Variants in DRC8 observed in about 807,000 individuals in gnomAD.
The protein encoded by DRC8 is dynein regulatory complex protein 8.
the DRC8 span, among the ~76,000 whole-genome samples, chr1:245,021,259 C>T: frequency 1.3e-4 from 19 of 151,884 alleles, no homozygotes; most frequent in East Asian, 9.6e-4. Context: ...CAAACATAGA[C>T]GCTTTGAGCG....
At chr1:245,109,526 C>T in the DRC8 span, among the ~76,000 whole-genome samples, 3 of 152,324 alleles carry the variant, frequency 2.0e-5, no homozygotes, top group South Asian at 2.1e-4. Context: ...GGGTGTGCAT[C>T]GCTCTTTCCT....
the DRC8 span, among the ~76,000 whole-genome samples, chr1:244,996,933 C>T: frequency 2.0e-5 from 3 of 152,250 alleles, no homozygotes; most frequent in East Asian, 5.8e-4. Flanking sequence ...GCTGAAGTCC[C>T]TTACATAAAA....
At chr1:244,975,515 G>T in the DRC8 span, among the ~76,000 whole-genome samples, 1 of 152,146 alleles carries the variant, frequency 6.6e-6, no homozygotes, top group Non-Finnish European at 1.5e-5. Context: ...GTTGTAATGG[G>T]GACAATGTTT....
chr1:245,045,562 T>C, the DRC8 span, among the ~76,000 whole-genome samples: 2 of 152,164 alleles, frequency 1.3e-5, no homozygotes, highest in Non-Finnish European at 1.5e-5. Flanking sequence ...GTCCATCTCA[T>C]GTAAATGAAG....
the DRC8 span, among the ~76,000 whole-genome samples, chr1:245,084,885 C>T: frequency 6.6e-6 from 1 of 152,222 alleles, no homozygotes; most frequent in African/African-American, 2.4e-5. Context: ...TCACAGCTGC[C>T]ACCCAAGAAC....
chr1:245,009,726 C>G, the DRC8 span, among the ~76,000 whole-genome samples: 1 of 152,224 alleles, frequency 6.6e-6, no homozygotes, highest in Non-Finnish European at 1.5e-5. Context: ...CTCGGCCTCC[C>G]AAAGTGCTGG....
At chr1:244,970,126 C>G in the DRC8 span, 16 of 679,116 alleles carry the variant, frequency 2.4e-5, no homozygotes, top group Admixed American at 2.8e-4. Context: ...AAGCAACATG[C>G]TAGGCCCGGG....
the DRC8 span, among the ~76,000 whole-genome samples, chr1:245,033,955 A>G: frequency 2.5e-4 from 38 of 152,236 alleles, no homozygotes; most frequent in African/African-American, 9.1e-4. Flanking sequence ...TCCTGACCTC[A>G]AATGACCCAC....
chr1:244,997,259 CT>C, the DRC8 span, among the ~76,000 whole-genome samples: 1 of 152,054 alleles, frequency 6.6e-6, no homozygotes, highest in African/African-American at 2.4e-5. Flanking sequence ...CCATAGAGTC[CT>C]TTGGAGCGTC....
the DRC8 span, among the ~76,000 whole-genome samples, chr1:245,106,016 C>T: frequency 2.0e-5 from 3 of 152,158 alleles, no homozygotes; most frequent in Non-Finnish European, 4.4e-5. Context: ...GAGTTCGAGG[C>T]TGCAGTATTG....
the DRC8 span, among the ~76,000 whole-genome samples, chr1:244,991,906 CT>C: frequency 6.6e-6 from 1 of 152,160 alleles, no homozygotes; most frequent in African/African-American, 2.4e-5. Flanking sequence ...TTACAATTGA[CT>C]GTCTGGACTG....
At chr1:245,117,704 C>T in the DRC8 span, among the ~76,000 whole-genome samples, 1 of 152,138 alleles carries the variant, frequency 6.6e-6, no homozygotes, top group Non-Finnish European at 1.5e-5. Flanking sequence ...CACGGTGGCT[C>T]ATGTCTATAA....
chr1:245,114,308 C>CA, the DRC8 span, among the ~76,000 whole-genome samples: 1 of 151,830 alleles, frequency 6.6e-6, no homozygotes, highest in Non-Finnish European at 1.5e-5. Context: ...GCTAAAAATA[C>CA]AAAAAAATTA....
the DRC8 span, among the ~76,000 whole-genome samples, chr1:244,986,317 A>G: frequency 6.6e-6 from 1 of 152,164 alleles, no homozygotes; most frequent in African/African-American, 2.4e-5. Flanking sequence ...AAAAACTACT[A>G]CTAGTAACAG....
chr1:245,122,544 G>A, the DRC8 span: 3 of 151,922 alleles, frequency 2.0e-5, no homozygotes, highest in Admixed American at 6.6e-5. Context: ...CTGTAGCATC[G>A]ACCTCCTGGA....
At chr1:245,087,495 T>C in the DRC8 span, 1 of 1,387,866 alleles carries the variant, frequency 7.2e-7, no homozygotes, top group Non-Finnish European at 9.3e-7. Flanking sequence ...GACACTTTGT[T>C]TTTAAAGATG....
chr1:245,118,811 A>G, the DRC8 span, among the ~76,000 whole-genome samples: 3 of 83,462 alleles, frequency 3.6e-5, no homozygotes, highest in African/African-American at 1.7e-4. Flanking sequence ...AAAAGAAAAG[A>G]AAAGAAAAGA....
At chr1:245,030,324 G>A in the DRC8 span, among the ~76,000 whole-genome samples, 2 of 152,166 alleles carry the variant, frequency 1.3e-5, no homozygotes, top group Admixed American at 6.5e-5. Flanking sequence ...TTCTCAGTTC[G>A]AGCAAGTTTC....
chr1:244,991,676 G>A, the DRC8 span, among the ~76,000 whole-genome samples: 1 of 152,122 alleles, frequency 6.6e-6, no homozygotes, highest in African/African-American at 2.4e-5. Flanking sequence ...GGCCTGTTTG[G>A]TCAGCATTTT....
Sources: allele counts gnomAD v4.1 joint callset (sites outside exome capture counted in the v4.1 genomes callset), GRCh38; gene constraint gnomAD v4.1.1; transcripts MANE v1.5; gene names NCBI Gene and HGNC (gene_info 2026-07-23, HGNC 2026-07-21).